Variants in SLC35F1 observed in about 807,000 individuals in gnomAD.
SLC35F1 encodes solute carrier family 35 member F1.
A neutral mutation model predicts 48.7 loss-of-function variants in SLC35F1; 14 were observed. The observed-to-expected ratio is 0.29, with a 90% CI of 0.19 to 0.45. The LOEUF is 0.45. Ranked by LOEUF, SLC35F1 falls within the 20% of genes least tolerant of loss-of-function variation. SLC35F1 has a pLI of 1.00. For synonymous variants in SLC35F1, 190 were observed against 202.2 expected (o/e 0.94, Z 0.51); for missense variants, 404 against 500.0 (o/e 0.81, Z 1.83).
At chr6:118,095,296 C>T (rs559274504) in intron 1 of SLC35F1, among the ~76,000 whole-genome samples, 1 of 152,298 alleles carries the variant, frequency 6.6e-6, no homozygotes, top group South Asian at 2.1e-4. Context: ...CAGGTGCCAG[C>T]ATTGAATATC....
intron 1 of SLC35F1, among the ~76,000 whole-genome samples, chr6:118,035,935 G>T (rs529551808): frequency 6.6e-6 from 1 of 151,630 alleles, no homozygotes; most frequent in Admixed American, 6.6e-5. Context: ...CTCATGATCC[G>T]CCCGCCTCGG....
At chr6:118,203,257 A>T (rs1171687292) in intron 2 of SLC35F1, among the ~76,000 whole-genome samples, 1 of 152,208 alleles carries the variant, frequency 6.6e-6, no homozygotes, top group Non-Finnish European at 1.5e-5. Context: ...GGCTCTGAGG[A>T]CAGTAGTTAT....
At chr6:118,278,232 C>T (rs1022800709) in intron 6 of SLC35F1, among the ~76,000 whole-genome samples, 4 of 152,144 alleles carry the variant, frequency 2.6e-5, no homozygotes, top group Non-Finnish European at 5.9e-5. Context: ...ATTTGCTACC[C>T]TCAGAAGGTG....
intron 2 of SLC35F1, among the ~76,000 whole-genome samples, chr6:118,220,669 C>T (rs1454096803): frequency 6.6e-6 from 1 of 152,188 alleles, no homozygotes; most frequent in Non-Finnish European, 1.5e-5. Context: ...AAAGCAACAG[C>T]TTTCAAAGCT....
chr6:118,282,751 C>T (rs1775998902), intron 6 of SLC35F1, among the ~76,000 whole-genome samples: 1 of 152,192 alleles, frequency 6.6e-6, no homozygotes, highest in Non-Finnish European at 1.5e-5. Flanking sequence ...GGGCATCCTC[C>T]ATGCTCTCCT....
rs191530100 is a variant in SLC35F1 at position 118,251,174 on chromosome 6, G to T, written c.477+15538G>T. 7.9e-5 allele frequency among the ~76,000 whole-genome samples: 12 copies of T among 152,254 alleles called. 1 individual carries two copies. The East Asian group carries it at 2.3e-3, about 29-fold the overall frequency. On this transcript the variant is annotated intron_variant, in intron 3 of 7. Transcript: ENST00000360388. ...ATGGTGGCATGTGCCTGTGGTCCCA[G>T]CTACTCAGAAGGCTGGGGTGGGAGG...
chr6:118,207,009 G>A (rs1232794877), intron 2 of SLC35F1, among the ~76,000 whole-genome samples: 1 of 152,196 alleles, frequency 6.6e-6, no homozygotes, highest in African/African-American at 2.4e-5. Flanking sequence ...TGCAGTGAAT[G>A]AAGGCTTCCT....
At chr6:118,040,428 A>ACCT (rs1772197271) in intron 1 of SLC35F1, among the ~76,000 whole-genome samples, 6 of 152,158 alleles carry the variant, frequency 3.9e-5, no homozygotes, top group Non-Finnish European at 8.8e-5. Flanking sequence ...ATTATAGGAA[A>ACCT]ATTACACTGC....
intron 1 of SLC35F1, among the ~76,000 whole-genome samples, chr6:117,969,981 G>T (rs1304712881): frequency 6.6e-6 from 1 of 152,214 alleles, no homozygotes; most frequent in Non-Finnish European, 1.5e-5. Flanking sequence ...TGTATGGATA[G>T]TCAGACTTCA....
chr6:118,275,981 C>T (rs1185679850), intron 5 of SLC35F1, among the ~76,000 whole-genome samples: 1 of 152,134 alleles, frequency 6.6e-6, no homozygotes, highest in Non-Finnish European at 1.5e-5. Flanking sequence ...ATTCTGTCTA[C>T]TAGTGACAAC....
chr6:118,217,446 A>C (rs1426787245), intron 2 of SLC35F1, among the ~76,000 whole-genome samples: 1 of 152,180 alleles, frequency 6.6e-6, no homozygotes, highest in Non-Finnish European at 1.5e-5. Context: ...TAGAGACAGG[A>C]AGTAGAACAA....
At chr6:118,023,057 C>T (rs990337214) in intron 1 of SLC35F1, among the ~76,000 whole-genome samples, 2 of 152,010 alleles carry the variant, frequency 1.3e-5, no homozygotes, top group Non-Finnish European at 2.9e-5. Flanking sequence ...CATGCCCGGC[C>T]GGGCAATTTT....
intron 1 of SLC35F1, among the ~76,000 whole-genome samples, chr6:118,061,947 G>T (rs149373937): frequency 0.01 from 1,579 of 152,198 alleles, 18 homozygotes; most frequent in Non-Finnish European, 0.014. Flanking sequence ...ATGCAGCCTG[G>T]TTCCTAACAG....
intron 6 of SLC35F1, among the ~76,000 whole-genome samples, chr6:118,281,877 G>C (rs1775988813): frequency 6.6e-6 from 1 of 152,212 alleles, no homozygotes; most frequent in African/African-American, 2.4e-5. Flanking sequence ...GATAGCAATA[G>C]TTATCAGCAT....
chr6:118,128,851 T>G (rs143901954), intron 1 of SLC35F1, among the ~76,000 whole-genome samples: 2,943 of 151,648 alleles, frequency 0.019, 95 homozygotes, highest in African/African-American at 0.063. Context: ...GAAAAGAAAA[T>G]AACCTGCCAT....
intron 1 of SLC35F1, among the ~76,000 whole-genome samples, chr6:118,047,319 T>C (rs1354464670): frequency 6.6e-6 from 1 of 152,176 alleles, no homozygotes; most frequent in African/African-American, 2.4e-5. Context: ...GGGAATTGTG[T>C]TTGTAGACAT....
chr6:117,920,423 A>G (rs1347280562), intron 1 of SLC35F1, among the ~76,000 whole-genome samples: 2 of 152,242 alleles, frequency 1.3e-5, no homozygotes, highest in Non-Finnish European at 2.9e-5. Context: ...CTTCAAGCCC[A>G]TCCAACAGGA....
At chr6:117,968,048 C>A (rs1323728084) in intron 1 of SLC35F1, among the ~76,000 whole-genome samples, 1 of 152,074 alleles carries the variant, frequency 6.6e-6, no homozygotes, top group East Asian at 1.9e-4. Context: ...TTCTGGTAAT[C>A]ATTTCATAAT....
intron 1 of SLC35F1, among the ~76,000 whole-genome samples, chr6:118,141,902 A>T (rs1773895906): frequency 6.6e-6 from 1 of 152,198 alleles, no homozygotes; most frequent in African/African-American, 2.4e-5. Context: ...TGGAGTGTAC[A>T]TTTATGTTCA....
Sources: gnomAD v4.1 joint callset for allele counts (sites outside exome capture counted in the v4.1 genomes callset) on GRCh38, gnomAD v4.1.1 for gene constraint, MANE v1.5 for transcripts, NCBI Gene and HGNC (gene_info 2026-07-23, HGNC 2026-07-21) for gene names.